SLC25A44: variants seen among roughly 807,000 people sequenced by gnomAD.
The protein encoded by SLC25A44 is solute carrier family 25 member 44.
A neutral mutation model predicts 29.9 loss-of-function variants in SLC25A44; 17 were observed. The observed-to-expected ratio is 0.57, with a 90% CI of 0.39 to 0.85. SLC25A44 has a LOEUF of 0.85. Among genes scored for constraint, SLC25A44 ranks in the 40% least tolerant of loss-of-function variants. SLC25A44 has a pLI of 0.00. For missense variants in SLC25A44, 302 were observed against 398.4 expected, an observed-to-expected ratio of 0.76 and a Z score of 2.06; for synonymous variants, 140 against 151.8, an observed-to-expected ratio of 0.92 and a Z score of 0.57.
intron 2 of SLC25A44, among the ~76,000 whole-genome samples, chr1:156,203,818 C>A (rs1294500664): frequency 1.3e-5 from 2 of 151,182 alleles, no homozygotes; most frequent in East Asian, 3.9e-4. Flanking sequence ...GTTTTCCTGC[C>A]TCAGCCTCCC....
At position 156,200,415 on chromosome 1, in the gene SLC25A44, C is replaced by T. The variant is rs755713235; in HGVS notation, c.568C>T (p.Leu190=). Reference sequence around the variant, plus strand: ...CTTCTATCGAGGCTATGTGGCTTCACTGCTTACCTATATCCCAAACAGTGC... The same window carrying T: ...CTTCTATCGAGGCTATGTGGCTTCATTGCTTACCTATATCCCAAACAGTGC... ...RGFYRGYVAS[L]LTYIPNSAVW... The change falls in exon 2 of 4, where the codon CTG becomes TTG. Residue 190 remains leucine (L), a synonymous_variant. Transcript: ENST00000359511. 1 of 1,613,830 alleles carries T rather than the reference C, an allele frequency of 6.2e-7. No individual in the cohort carries two copies. The highest frequency in any genetic ancestry group is 8.5e-7 in the Non-Finnish European group (1 of 1,180,016).
At chr1:156,194,402 G>C (rs1355470781) in intron 1 of SLC25A44, among the ~76,000 whole-genome samples, 155 bp downstream of exon 1, 1 of 152,236 alleles carries the variant, frequency 6.6e-6, no homozygotes, top group Non-Finnish European at 1.5e-5. Context: ...CCTGGCAGAG[G>C]ATCGTGAGAT....
At position 156,195,930 on chromosome 1, in the gene SLC25A44, G is replaced by A. The variant is rs796733419; in HGVS notation, c.-14+1683G>A. Reference sequence around the variant, plus strand: ...CCTATTTGTCCCTTTCCATTGGTAGGGTCAATAGTGAGAGCTCTGCCTCTA... The same window carrying A: ...CCTATTTGTCCCTTTCCATTGGTAGAGTCAATAGTGAGAGCTCTGCCTCTA... On this transcript the variant is annotated intron_variant, in intron 1 of 3. Coordinates refer to ENST00000359511, the MANE Select transcript of SLC25A44 (RefSeq NM_014655.4). Among the ~76,000 whole-genome samples the A allele has an allele frequency of 9.2e-5, 14 of 152,352 alleles. 1 individual carries two copies. Among genetic ancestry groups the A allele is most frequent in the African/African-American group, 3.4e-4 (14 of 41,594 alleles).
intron 2 of SLC25A44, among the ~76,000 whole-genome samples, chr1:156,202,922 C>T (rs933338201): frequency 1.3e-5 from 2 of 152,254 alleles, no homozygotes; most frequent in East Asian, 3.8e-4. Context: ...TACCTCCCAA[C>T]ACCTAGCTCA....
chr1:156,198,157 C>T lies in SLC25A44; in HGVS notation c.-13-1678C>T, dbSNP rs1419563177. The T allele has an allele frequency of 6.6e-6, 1 of 152,194 alleles. No individual in the cohort carries two copies. The highest frequency in any genetic ancestry group is 1.5e-5 in the Non-Finnish European group (1 of 68,038). The allele number at this position is 152,194 out of a possible 1,614,324, so 9.4% of individuals were successfully genotyped here. On this transcript the variant is annotated intron_variant, in intron 1 of 3. Transcript: ENST00000359511. This position sits in a 1 kb window ranked among gnomAD's most constrained non-coding sequence, Gnocchi z 4.1. ...CTTTCTCTGGGATTTCTCTTAAAGT[C>T]TGGGGAGCCCCTGCTTCTCATTTCC...
intron 2 of SLC25A44, 45 bp downstream of exon 2, chr1:156,200,517 A>T: frequency 1.3e-6 from 2 of 1,528,394 alleles, no homozygotes; most frequent in South Asian, 1.2e-5. Context: ...GGGATTTCTA[A>T]TGGGGCTGAG....
In SLC25A44 at chr1:156,199,630, G is replaced by A. The variant is rs1359293875; in HGVS notation, c.-13-205G>A. The A allele has an allele frequency of 7.1e-6, 4 of 561,668 alleles. 1 individual carries two copies. The highest frequency in any genetic ancestry group is 6.3e-6 in the Non-Finnish European group (2 of 318,836). 34.8% of individuals were successfully genotyped at this position (561,668 alleles called of 1,614,324 possible). On this transcript the variant is annotated intron_variant, in intron 1 of 3. Transcript: ENST00000359511. ...AACTGAGTAAGGAAGGCCTGGCCAA[G>A]GACCAAGAAGGGGACAGTATCCTGA...
At chr1:156,204,983 C>T (rs1656838427) in intron 2 of SLC25A44, among the ~76,000 whole-genome samples, 2 of 152,076 alleles carry the variant, frequency 1.3e-5, no homozygotes, top group South Asian at 4.1e-4. Context: ...TCTGCCCTGC[C>T]AGCCTCCACC....
intron 2 of SLC25A44, among the ~76,000 whole-genome samples, chr1:156,202,220 A>G (rs1044866616): frequency 6.6e-6 from 1 of 152,118 alleles, no homozygotes; most frequent in African/African-American, 2.4e-5. Context: ...CCTGGAAACC[A>G]TGCCTCTGTT....
At chr1:156,200,831 A>ATTTTTT (rs35620511) in intron 2 of SLC25A44, among the ~76,000 whole-genome samples, 5 of 99,882 alleles carry the variant, frequency 5.0e-5, no homozygotes, top group Admixed American at 1.2e-4. Context: ...TTTCCTCAGC[A>ATTTTTT]TTTTTTTTTT....
In SLC25A44 at chr1:156,211,271, C is replaced by T. The variant is rs1043695926; in HGVS notation, c.*840C>T. 3 of 152,848 alleles carry T rather than the reference C, an allele frequency of 2.0e-5. No individual in the cohort carries two copies. Among genetic ancestry groups the T allele is most frequent in the African/African-American group, 7.2e-5 (3 of 41,448 alleles). 9.5% of individuals were successfully genotyped at this position (152,848 alleles called of 1,614,324 possible). Reference sequence around the variant, plus strand: ...AGGAGAGTCTAAGCTGGGGCATCCCCTGGCCCAGAGGACTCCCGTGGTGGG... The same window carrying T: ...AGGAGAGTCTAAGCTGGGGCATCCCTTGGCCCAGAGGACTCCCGTGGTGGG... On this transcript the variant is annotated 3_prime_UTR_variant, in exon 4 of 4. Transcript: ENST00000359511.
At chr1:156,197,344 C>T (rs376388177) in intron 1 of SLC25A44, 1 of 152,362 alleles carries the variant, frequency 6.6e-6, no homozygotes, top group African/African-American at 2.4e-5. Flanking sequence ...AACTTTGCCT[C>T]TAGCTCATTT....
rs879498891 is a variant in SLC25A44 at position 156,198,803 on chromosome 1, A to G, written c.-13-1032A>G. The stretch of plus-strand genomic sequence containing the variant: ...CCAGAGCGATACTGTGTATCCTTGA[A>G]CAGACGGTTTCTTGAAGTCAGAGTC... On this transcript the variant is annotated intron_variant, in intron 1 of 3. Transcript: ENST00000359511. This position sits in a 1 kb window ranked among gnomAD's most constrained non-coding sequence, Gnocchi z 4.1. The G allele has an allele frequency of 2.6e-5, 4 of 152,250 alleles. No individual in the cohort carries two copies. Among genetic ancestry groups the G allele is most frequent in the Admixed American group, 6.5e-5 (1 of 15,286 alleles). 9.4% of individuals were successfully genotyped at this position (152,250 alleles called of 1,614,324 possible).
chr1:156,197,050 T>C (rs1316011003), intron 1 of SLC25A44: 2 of 152,196 alleles, frequency 1.3e-5, no homozygotes, highest in African/African-American at 4.8e-5. Context: ...ATCAGAAGTG[T>C]CTAACTGTAC....
chr1:156,207,327 G>A lies in SLC25A44; in HGVS notation c.626-559G>A, dbSNP rs1352661350. Reference sequence around the variant, plus strand: ...TGAGTAGCTGGGACTACAGGCGCCTGCCACCATGCCCAGCTAATTTTCTTT... The same window carrying A: ...TGAGTAGCTGGGACTACAGGCGCCTACCACCATGCCCAGCTAATTTTCTTT... On this transcript the variant is annotated intron_variant, in intron 2 of 3. Transcript: ENST00000359511. 4.6e-5 allele frequency among the ~76,000 whole-genome samples: 7 copies of A among 152,060 alleles called. No homozygotes were observed. In the South Asian group the frequency reaches 8.3e-4, roughly 18 times the overall value.
In SLC25A44 at chr1:156,198,197, C is replaced by G. The variant is rs547591419; in HGVS notation, c.-13-1638C>G. The stretch of plus-strand genomic sequence containing the variant: ...TTCTCATTTCCTGGAATTTATCTTC[C>G]CAGTCTCCCTTTCTGGCTGAAAATT... On this transcript the variant is annotated intron_variant, in intron 1 of 3. Transcript: ENST00000359511. The surrounding 1 kb of genome is among the most constrained non-coding windows in gnomAD (Gnocchi z 4.1). 1.2e-4 allele frequency: 18 copies of G among 152,258 alleles called. No individual in the cohort carries two copies. In the East Asian group the frequency reaches 3.5e-3, roughly 29 times the overall value. The allele number at this position is 152,258 out of a possible 1,614,324, so 9.4% of individuals were successfully genotyped here.
Position 156,211,056 on chromosome 1 carries a change from T to TGTGTGTGTGTG in SLC25A44, c.*625_*626insGTGTGTGTGTG, listed in dbSNP as rs1657274475. ...TGGGAGAAATGTTGATACTTTTGTT[T>TGTGTGTGTGTG]TGTGTGTGTGTGTGTGTGTGTGTGT... On this transcript the variant is annotated 3_prime_UTR_variant, in exon 4 of 4. Coordinates refer to ENST00000359511, the MANE Select transcript of SLC25A44 (RefSeq NM_014655.4). 7.2e-6 allele frequency: 1 copy of TGTGTGTGTGTG among 138,864 alleles called. No individual in the cohort carries two copies. Among genetic ancestry groups the TGTGTGTGTGTG allele is most frequent in the Non-Finnish European group, 1.6e-5 (1 of 64,456 alleles). 8.6% of individuals were successfully genotyped at this position (138,864 alleles called of 1,614,324 possible). A position where few individuals can be genotyped will look rare whatever the true frequency, so the allele number is the denominator to read the frequency against.
chr1:156,207,819 G>C (rs1301717109), intron 2 of SLC25A44, 67 bp from the exon 3 acceptor site: 1 of 1,582,190 alleles, frequency 6.3e-7, no homozygotes, highest in South Asian at 1.1e-5. Flanking sequence ...GGTAGAAGCA[G>C]CAAGCACAGT....
intron 2 of SLC25A44, among the ~76,000 whole-genome samples, chr1:156,204,736 C>T (rs1484868172): frequency 6.6e-6 from 1 of 152,126 alleles, no homozygotes; most frequent in African/African-American, 2.4e-5. Context: ...GATCCACCTG[C>T]CTCAGCCTTC....
Sources: allele counts gnomAD v4.1 joint callset (sites outside exome capture counted in the v4.1 genomes callset), GRCh38; gene constraint gnomAD v4.1.1; non-coding constraint Gnocchi (gnomAD v3.1); transcripts MANE v1.5; gene names NCBI Gene and HGNC (gene_info 2026-07-23, HGNC 2026-07-21).